Variants in ADAMTS1 observed in about 807,000 individuals in gnomAD.
The protein encoded by ADAMTS1 is ADAM metallopeptidase with thrombospondin type 1 motif 1.
In ADAMTS1, 19 loss-of-function variants were observed where a neutral mutation model predicts 87.9. That is an observed-to-expected ratio of 0.22 (90% CI 0.15 to 0.32). ADAMTS1 has a LOEUF of 0.32. Among genes scored for constraint, ADAMTS1 ranks in the 10% least tolerant of loss-of-function variants. The pLI, the probability that ADAMTS1 is intolerant of heterozygous loss-of-function variation, is 1.00. For missense variants in ADAMTS1, 1,240 were observed against 1,259.1 expected (o/e 0.98, Z 0.23); for synonymous variants, 542 against 501.8 (o/e 1.08, Z -1.07).
At chr21:26,841,317 A>G in intron 3 of ADAMTS1, 152 bp from the exon 4 acceptor site, 1 of 704,042 alleles carries the variant, frequency 1.4e-6, no homozygotes, top group Non-Finnish European at 2.3e-6. Flanking sequence ...CGTCTCTACT[A>G]AAAATACAAA....
In ADAMTS1 at chr21:26,844,399, G is replaced by C; in HGVS notation, c.556C>G (p.Leu186Val). 6.3e-7 allele frequency: 1 copy of C among 1,595,866 alleles called. No individual in the cohort carries two copies. The highest frequency in any genetic ancestry group is 8.5e-7 in the Non-Finnish European group (1 of 1,173,000). Residue 186 changes from leucine to valine, a missense_variant, in exon 1 of 9, where the codon CTG becomes GTG. Transcript: ENST00000284984. ...KPPAPLQFHL[L>V]RRNRQGDVGG... ...ACGTCGCCCTGCCGATTCCGCCGCA[G>C]GAGGTGGAACTGTAGTGGTGCCGGC... is the stretch of plus-strand genomic sequence containing the variant.
intron 7 of ADAMTS1, 168 bp from the exon 8 acceptor site, chr21:26,838,782 A>C: frequency 1.6e-6 from 1 of 621,270 alleles, no homozygotes; most frequent in Non-Finnish European, 2.7e-6. Flanking sequence ...CATATTTTTC[A>C]GTACTACGTA....
rs1490058256 is a variant in ADAMTS1, at chr21:26,843,437, G to T, written c.731-752C>A. 7 of 467,278 alleles carry T rather than the reference G, an allele frequency of 1.5e-5. No homozygotes were observed. In the Middle Eastern group the frequency reaches 1.6e-3, roughly 109 times the overall value. The allele number at this position is 467,278 out of a possible 1,614,324, so 28.9% of individuals were successfully genotyped here. On this transcript the variant is annotated intron_variant, in intron 1 of 8. Coordinates refer to ENST00000284984, the MANE Select transcript of ADAMTS1 (RefSeq NM_006988.5). ...GGGAGAATTCTTTAAAAAATGACAC[G>T]CGAGAGAGTTAAAGAAGGAAAAAGG...
At chr21:26,840,886 G>A in intron 4 of ADAMTS1, 112 bp downstream of exon 4, 1 of 1,322,760 alleles carries the variant, frequency 7.6e-7, no homozygotes, top group Non-Finnish European at 1.0e-6. Flanking sequence ...CAGAGGAAAA[G>A]TAATTTTGAA....
At chr21:26,844,142 G>C in intron 1 of ADAMTS1, 83 bp downstream of exon 1, 1 of 1,469,728 alleles carries the variant, frequency 6.8e-7, no homozygotes, top group Non-Finnish European at 9.0e-7. Context: ...CCTGCCAGCA[G>C]GAGTCTACCC....
chr21:26,843,359 C>T (rs1443010322), intron 1 of ADAMTS1: 3 of 416,240 alleles, frequency 7.2e-6, no homozygotes, highest in African/African-American at 2.1e-5. Flanking sequence ...GCAGAAAGTC[C>T]TAAACTGGGC....
chr21:26,837,389 A>G lies in ADAMTS1; in HGVS notation c.*190T>C. On this transcript the variant is annotated 3_prime_UTR_variant, in exon 9 of 9. Coordinates refer to ENST00000284984, the MANE Select transcript of ADAMTS1 (RefSeq NM_006988.5). ...GTTAATAATCCTCACTAACTATCCT[A>G]TCAAATTTGCAACTGGCAGTTTACT... The G allele has an allele frequency of 1.7e-6, 1 of 582,456 alleles. No individual in the cohort carries two copies. Among genetic ancestry groups the G allele is most frequent in the Non-Finnish European group, 3.0e-6 (1 of 327,928 alleles). 36.1% of individuals were successfully genotyped at this position (582,456 alleles called of 1,614,324 possible).
At chr21:26,840,861 C>A (rs1032648119) in intron 4 of ADAMTS1, 137 bp downstream of exon 4, 2 of 1,092,362 alleles carry the variant, frequency 1.8e-6, no homozygotes, top group Non-Finnish European at 2.6e-6. Flanking sequence ...AAGATCTCAA[C>A]AGTTAGGATC....
Position 26,840,122 on chromosome 21 carries a change from A to G in ADAMTS1, c.1666-61T>C, listed in dbSNP as rs914876649. 8 of 1,563,794 alleles carry G rather than the reference A, an allele frequency of 5.1e-6. No individual in the cohort carries two copies. In the African/African-American group the frequency reaches 1.1e-4, roughly 21 times the overall value. ...TCTAAAGAGAACTTTTAGGGTATCA[A>G]AGAAAGCCACATGGGACAAAGAATC... On this transcript the variant is annotated intron_variant, in intron 5 of 8. Transcript: ENST00000284984.
intron 1 of ADAMTS1, chr21:26,843,792 G>A (rs1291309393): frequency 4.2e-6 from 2 of 480,842 alleles, no homozygotes; most frequent in Admixed American, 2.2e-5. Context: ...GCCCTCCCGT[G>A]AGCGCAGGAT....
chr21:26,838,488 C>T lies in ADAMTS1; in HGVS notation c.2155G>A (p.Gly719Arg). 1.2e-6 allele frequency: 2 copies of T among 1,614,082 alleles called. No homozygotes were observed. Among genetic ancestry groups the T allele is most frequent in the Non-Finnish European group, 1.7e-6 (2 of 1,180,020 alleles). Reference protein sequence around the residue: ...KKFDKCGVCGGNGSTCKKISG... With the variant: ...KKFDKCGVCGRNGSTCKKISG... ...ATTTTTTTACAAGTAGATCCATTTCCCCCGCAAACACCACATTTATCAAAC... is the reference window on the plus strand; with the variant it reads ...ATTTTTTTACAAGTAGATCCATTTCTCCCGCAAACACCACATTTATCAAAC... The change falls in exon 8 of 9, where the codon GGA becomes AGA. Residue 719 changes from glycine (G) to arginine (R), a missense_variant. This residue lies in a region of ADAMTS1 where 402 missense variants were observed against 399.1 expected (regional missense o/e 1.01). Coordinates refer to ENST00000284984, the MANE Select transcript of ADAMTS1 (RefSeq NM_006988.5).
intron 8 of ADAMTS1, 23 bp downstream of exon 8, chr21:26,838,416 C>A (rs1257864286): frequency 6.2e-7 from 1 of 1,613,502 alleles, no homozygotes; most frequent in Non-Finnish European, 8.5e-7. Flanking sequence ...ATAAGGTCTG[C>A]AAATAGGTGT....
chr21:26,840,894 G>A, intron 4 of ADAMTS1, 104 bp downstream of exon 4: 2 of 1,359,756 alleles, frequency 1.5e-6, no homozygotes, highest in Non-Finnish European at 2.0e-6. Flanking sequence ...AAGTAATTTT[G>A]AAGTGGGGAA....
At chr21:26,843,924 A>ATC in intron 1 of ADAMTS1, 1 of 505,100 alleles carries the variant, frequency 2.0e-6, no homozygotes. Context: ...CCAACTCGCT[A>ATC]AAGGTGGAAG....
In ADAMTS1 at chr21:26,844,580, G is replaced by A. The variant is rs766389936; in HGVS notation, c.375C>T (p.Tyr125=). The A allele has an allele frequency of 1.2e-6, 2 of 1,611,232 alleles. No individual in the cohort carries two copies. The highest frequency in any genetic ancestry group is 1.1e-5 in the South Asian group (1 of 90,544). ...TGGGATCGCCATTCACGGTGCCGGA[G>A]TAGAAGCAGTGCGCCAGGTCGGTTT... The part of the protein sequence containing the change: ...LPETDLAHCF[Y]SGTVNGDPSS... The change falls in exon 1 of 9, where the codon TAC becomes TAT. Residue 125 remains tyrosine, a synonymous_variant. Transcript: ENST00000284984.
rs202236531 is a variant in ADAMTS1 at position 26,840,952 on chromosome 21, G to A, written c.1378+46C>T. The A allele has an allele frequency of 7.3e-5, 115 of 1,574,076 alleles. 2 individuals carry two copies. The highest frequency in any genetic ancestry group is 3.6e-4 in the South Asian group (31 of 87,142). ...GAGTTCATTTAACTAAACTTTATGC[G>A]TGAAAGGTTGGATGCCATCTAGAGA... On this transcript the variant is annotated intron_variant, in intron 4 of 8. Coordinates refer to ENST00000284984, the MANE Select transcript of ADAMTS1 (RefSeq NM_006988.5).
rs1601922643 is a variant in ADAMTS1 at position 26,840,438 on chromosome 21, A to G, written c.1503T>C (p.Asp501=). The G allele has an allele frequency of 6.2e-7, 1 of 1,614,098 alleles. No homozygotes were observed. The highest frequency in any genetic ancestry group is 2.2e-5 in the East Asian group (1 of 44,870). Residue 501 remains aspartate, a synonymous_variant, in exon 5 of 9, where the codon GAT becomes GAC. Transcript: ENST00000284984. ...ACAAGGTGCTACATGTGCTGGCTGCATCGGGGCAGTGTTTGGAGTCCTCCC... is the reference window on the plus strand; with the variant it reads ...ACAAGGTGCTACATGTGCTGGCTGCGTCGGGGCAGTGTTTGGAGTCCTCCC... ...TFGEDSKHCP[D]AASTCSTLWC... is the part of the protein sequence containing the mutation.
At chr21:26,838,950 C>T (rs796249338) in intron 7 of ADAMTS1, 47 of 204,218 alleles carry the variant, frequency 2.3e-4, no homozygotes, top group African/African-American at 9.9e-4. Flanking sequence ...GTAAGTGCTT[C>T]AGAAATCACT....
In ADAMTS1 at chr21:26,837,386, C is replaced by CCTAT; in HGVS notation, c.*189_*192dup. The CCTAT allele has an allele frequency of 3.4e-6, 2 of 588,324 alleles. No homozygotes were observed. Among genetic ancestry groups the CCTAT allele is most frequent in the East Asian group, 5.5e-5 (2 of 36,076 alleles). 36.4% of individuals were successfully genotyped at this position (588,324 alleles called of 1,614,324 possible). A position where few individuals can be genotyped will look rare whatever the true frequency, so the allele number is the denominator to read the frequency against. On this transcript the variant is annotated 3_prime_UTR_variant, in exon 9 of 9. Coordinates refer to ENST00000284984, the MANE Select transcript of ADAMTS1 (RefSeq NM_006988.5). ...GAGGTTAATAATCCTCACTAACTATCCTATCAAATTTGCAACTGGCAGTTT... is the reference window on the plus strand; with the variant it reads ...GAGGTTAATAATCCTCACTAACTATCCTATCTATCAAATTTGCAACTGGCAGTTT...
Sources: allele counts gnomAD v4.1 joint callset, GRCh38; gene constraint gnomAD v4.1.1; regional missense constraint gnomAD v4.1.1; transcripts MANE v1.5; gene names NCBI Gene and HGNC (gene_info 2026-07-23, HGNC 2026-07-21).